Variants in CSMD1 observed in about 807,000 individuals in gnomAD.
The protein encoded by CSMD1 is CUB and Sushi multiple domains 1, also known as CUB and sushi domain-containing protein 1.
A neutral mutation model predicts 417.5 loss-of-function variants in CSMD1; 213 were observed. That is an observed-to-expected ratio of 0.51 (90% CI 0.46 to 0.57). CSMD1 has a LOEUF of 0.57. Ranked by LOEUF, CSMD1 falls within the 20% of genes least tolerant of loss-of-function variation. The pLI, the probability that CSMD1 is intolerant of heterozygous loss-of-function variation, is 0.00. For missense variants in CSMD1, 6,923 were observed against 4,529.7 expected, an observed-to-expected ratio of 1.53 and a Z score of -15.17; for synonymous variants, 2,862 against 1,736.8, an observed-to-expected ratio of 1.65 and a Z score of -16.11.
intron 50 of CSMD1, among the ~76,000 whole-genome samples, chr8:3,049,209 A>C (rs778591681): frequency 2.6e-5 from 4 of 152,036 alleles, no homozygotes; most frequent in Admixed American, 6.6e-5. Flanking sequence ...CTTACCATTC[A>C]CTCTATCAAT....
At chr8:3,868,161 C>T (rs556460660) in intron 5 of CSMD1, among the ~76,000 whole-genome samples, 85 of 152,194 alleles carry the variant, frequency 5.6e-4, no homozygotes, top group South Asian at 1.2e-3. Flanking sequence ...TAATTCCACT[C>T]CACTCTGCTG....
At chr8:3,272,336 T>C (rs1389881300) in intron 26 of CSMD1, among the ~76,000 whole-genome samples, 1 of 147,822 alleles carries the variant, frequency 6.8e-6, no homozygotes, top group Non-Finnish European at 1.5e-5. Context: ...TACGGTAGCC[T>C]TGTAGCATAG....
At chr8:3,694,122 T>G (rs914631379) in intron 7 of CSMD1, among the ~76,000 whole-genome samples, 2 of 151,760 alleles carry the variant, frequency 1.3e-5, no homozygotes, top group African/African-American at 4.8e-5. Flanking sequence ...GTGTGTTTGC[T>G]GTGTGTGGCG....
intron 3 of CSMD1, among the ~76,000 whole-genome samples, chr8:4,141,860 A>T (rs376345957): frequency 6.6e-6 from 1 of 151,150 alleles, no homozygotes; most frequent in African/African-American, 2.5e-5. Flanking sequence ...TACCATTTAG[A>T]TATTGAGAGT....
chr8:4,443,932 T>C (rs1050088567), intron 2 of CSMD1, among the ~76,000 whole-genome samples: 4 of 152,146 alleles, frequency 2.6e-5, no homozygotes, highest in South Asian at 2.1e-4. Flanking sequence ...TGCGTACATA[T>C]ACATGCATAT....
rs796728978 is a variant in CSMD1 at position 3,912,424 on chromosome 8, T to G, written c.818+85479A>C. Among the ~76,000 whole-genome samples, 60 of 152,288 alleles carry G rather than the reference T, an allele frequency of 3.9e-4. 1 individual carries two copies. Among genetic ancestry groups the G allele is most frequent in the African/African-American group, 1.3e-3 (53 of 41,528 alleles). ...GCAGGGACAAATAGGGTGGGACGATTTCTACTTAGAGTAGACCAGGGAAGA... is the reference window on the plus strand; with the variant it reads ...GCAGGGACAAATAGGGTGGGACGATGTCTACTTAGAGTAGACCAGGGAAGA... On this transcript the variant is annotated intron_variant, in intron 5 of 69. Coordinates refer to ENST00000635120, the MANE Select transcript of CSMD1 (RefSeq NM_033225.6).
intron 7 of CSMD1, among the ~76,000 whole-genome samples, chr8:3,670,142 G>T (rs1798911463): frequency 6.6e-6 from 1 of 152,014 alleles, no homozygotes; most frequent in Non-Finnish European, 1.5e-5. Flanking sequence ...TGATGCCAAA[G>T]GAGATTAATA....
intron 42 of CSMD1, among the ~76,000 whole-genome samples, chr8:3,116,294 G>C (rs764161655): frequency 5.9e-5 from 9 of 152,006 alleles, no homozygotes; most frequent in Admixed American, 3.3e-4. Context: ...TTAGGTTTAC[G>C]AGTACTGGTA....
intron 2 of CSMD1, among the ~76,000 whole-genome samples, chr8:4,500,737 T>G (rs956412483): frequency 6.6e-6 from 1 of 152,178 alleles, no homozygotes; most frequent in African/African-American, 2.4e-5. Context: ...ATTTTACTTT[T>G]GGCCAGTTTC....
At chr8:3,110,015 C>T (rs1025213641) in intron 43 of CSMD1, 143 bp downstream of exon 43, 1 of 691,796 alleles carries the variant, frequency 1.4e-6, no homozygotes, top group African/African-American at 1.8e-5. Flanking sequence ...TTCCCTATAT[C>T]TCTGGATTTC....
chr8:4,382,474 C>A (rs527718349), intron 3 of CSMD1, among the ~76,000 whole-genome samples: 1 of 152,144 alleles, frequency 6.6e-6, no homozygotes, highest in African/African-American at 2.4e-5. Context: ...ACCATTAACT[C>A]TACATTCCAA....
At chr8:3,164,608 G>C (rs1160468035) in intron 37 of CSMD1, among the ~76,000 whole-genome samples, 1 of 151,734 alleles carries the variant, frequency 6.6e-6, no homozygotes, top group African/African-American at 2.4e-5. Flanking sequence ...ATTTCCCCCT[G>C]AAAAAAATGT....
intron 49 of CSMD1, among the ~76,000 whole-genome samples, chr8:3,054,551 G>A (rs1479565853): frequency 6.6e-6 from 1 of 152,244 alleles, no homozygotes; most frequent in East Asian, 1.9e-4. Context: ...CCAGGAGACA[G>A]AGGTTGCAGT....
intron 1 of CSMD1, among the ~76,000 whole-genome samples, chr8:4,701,670 G>A (rs1475793563): frequency 3.3e-5 from 5 of 151,854 alleles, no homozygotes; most frequent in Non-Finnish European, 7.4e-5. Flanking sequence ...CATCTCCTCT[G>A]TCAAACCTTT....
chr8:3,566,367 G>T (rs889388908), intron 10 of CSMD1, among the ~76,000 whole-genome samples: 1 of 152,110 alleles, frequency 6.6e-6, no homozygotes, highest in Non-Finnish European at 1.5e-5. Context: ...AAGGTGGATA[G>T]AGTTAATACA....
At chr8:4,729,348 G>C (rs1203694890) in intron 1 of CSMD1, among the ~76,000 whole-genome samples, 2 of 152,192 alleles carry the variant, frequency 1.3e-5, no homozygotes, top group Non-Finnish European at 2.9e-5. Flanking sequence ...TCTGAAGACA[G>C]TAACTGATTG....
At chr8:3,551,078 G>A (rs1262621571) in intron 10 of CSMD1, among the ~76,000 whole-genome samples, 1 of 152,120 alleles carries the variant, frequency 6.6e-6, no homozygotes, top group Non-Finnish European at 1.5e-5. Context: ...AGAGCTCATG[G>A]CAGAACAAGG....
chr8:4,321,372 A>T lies in CSMD1; in HGVS notation c.415+98581T>A, dbSNP rs191685168. ...CTCCCGCGCTGGCAGTTAAAGCATA[A>T]GAACGGAGCAATCAGAAGAGTTTTT... On this transcript the variant is annotated intron_variant, in intron 3 of 69. Coordinates refer to ENST00000635120, the MANE Select transcript of CSMD1 (RefSeq NM_033225.6). Among the ~76,000 whole-genome samples the T allele has an allele frequency of 3.3e-5, 5 of 152,260 alleles. No individual in the cohort carries two copies. In the East Asian group the frequency reaches 9.7e-4, roughly 29 times the overall value.
At chr8:3,907,417 C>T (rs568268895) in intron 5 of CSMD1, among the ~76,000 whole-genome samples, 13 of 151,904 alleles carry the variant, frequency 8.6e-5, no homozygotes, top group Admixed American at 7.9e-4. Context: ...TTATGTATTC[C>T]CCTTAGAATT....
Sources: gnomAD v4.1 joint callset for allele counts (sites outside exome capture counted in the v4.1 genomes callset) on GRCh38, gnomAD v4.1.1 for gene constraint, MANE v1.5 for transcripts, NCBI Gene and HGNC (gene_info 2026-07-23, HGNC 2026-07-21) for gene names.